Variants in SPEF2 observed in about 807,000 individuals in gnomAD.
The protein encoded by SPEF2 is sperm flagella and cilia-associated protein 2.
SPEF2 carries 187 observed loss-of-function variants against 224.6 expected under a neutral mutation model. That is an observed-to-expected ratio of 0.83 (90% CI 0.74 to 0.94). SPEF2 has a LOEUF of 0.94. SPEF2 is among the 40% of genes least tolerant of loss of function. SPEF2 has a pLI of 0.00. For missense variants in SPEF2, 2,170 were observed against 2,135.6 expected (o/e 1.02, Z -0.32); for synonymous variants, 715 against 707.3 (o/e 1.01, Z -0.17).
chr5:35,767,870 C>T (rs1752294377), intron 26 of SPEF2, among the ~76,000 whole-genome samples: 1 of 152,084 alleles, frequency 6.6e-6, no homozygotes, highest in African/African-American at 2.4e-5. Flanking sequence ...TAGAATCTCA[C>T]ACCCTTGACC....
At chr5:35,729,622 C>T (rs1162484969) in intron 21 of SPEF2, among the ~76,000 whole-genome samples, 2 of 152,112 alleles carry the variant, frequency 1.3e-5, no homozygotes, top group African/African-American at 4.8e-5. Context: ...AGTTCGTTTC[C>T]ACTCTGGACT....
At chr5:35,670,788 A>T in intron 10 of SPEF2, 2 of 982,530 alleles carry the variant, frequency 2.0e-6, no homozygotes, top group Non-Finnish European at 2.4e-6. Context: ...GAAATTGCCA[A>T]CTACTAACTG....
chr5:35,788,349 C>T (rs762555273), intron 30 of SPEF2: 2 of 702,810 alleles, frequency 2.8e-6, no homozygotes, highest in African/African-American at 1.7e-5. Context: ...GATATTGGCC[C>T]AGTATTCAGA....
At chr5:35,813,224 G>A (rs1241730916) in intron 36 of SPEF2, among the ~76,000 whole-genome samples, 1 of 152,314 alleles carries the variant, frequency 6.6e-6, no homozygotes, top group East Asian at 1.9e-4. Context: ...TGGGCACAGT[G>A]GTTGCCATCT....
In SPEF2 at chr5:35,759,646, G is replaced by A. The variant is rs533700303; in HGVS notation, c.3547G>A (p.Glu1183Lys). 5 of 1,612,310 alleles carry A rather than the reference G, an allele frequency of 3.1e-6. No homozygotes were observed. In the Admixed American group the frequency reaches 5.0e-5, roughly 16 times the overall value. ...GGGAATGGAAAGTAAAATCCCAGTA[G>A]AGGACAACAAGAGATTTACTCGAAT... is the stretch of plus-strand genomic sequence containing the variant. ...YWGMESKIPVEDNKRFTRIPL... is the reference protein window; with the variant it reads ...YWGMESKIPVKDNKRFTRIPL... The change falls in exon 25 of 37, where the codon GAG becomes AAG. Residue 1183 changes from glutamate (E) to lysine (K), a missense_variant. Transcript: ENST00000356031.
At position 35,690,261 on chromosome 5, in the gene SPEF2, C is replaced by A. The variant is rs7716573; in HGVS notation, c.1525-776C>A. ...CTAGCTATTTTGAAATATTCAGTAG[C>A]TTATTATTTGCTCTGGTCACTCTAC... On this transcript the variant is annotated intron_variant, in intron 10 of 36. Transcript: ENST00000356031. Among the ~76,000 whole-genome samples, 1,369 of 152,158 alleles carry A rather than the reference C, an allele frequency of 9.0e-3. 17 individuals are homozygous for A. Among genetic ancestry groups the A allele is most frequent in the African/African-American group, 0.032 (1,332 of 41,514 alleles).
At chr5:35,620,450 A>G (rs1743345485) in intron 1 of SPEF2, among the ~76,000 whole-genome samples, 1 of 152,218 alleles carries the variant, frequency 6.6e-6, no homozygotes, top group Non-Finnish European at 1.5e-5. Context: ...GGTTGTATCA[A>G]GATTAAATGG....
In SPEF2 at chr5:35,700,671, C is replaced by G; in HGVS notation, c.2317C>G (p.Leu773Val). The change falls in exon 16 of 37, where the codon CTT becomes GTT. Residue 773 changes from leucine (L) to valine (V), a missense_variant. Leu to Val is a conservative substitution (Grantham distance 32). Coordinates refer to ENST00000356031, the MANE Select transcript of SPEF2 (RefSeq NM_024867.4). ...IDPATSKEIPLPSPAFDFVIL... is the reference protein window; with the variant it reads ...IDPATSKEIPVPSPAFDFVIL... Reference sequence around the variant, plus strand: ...TCCTGCGACTTCCAAAGAAATACCTCTTCCCTCTCCTGCATTTGATTTTGT... The same window carrying G: ...TCCTGCGACTTCCAAAGAAATACCTGTTCCCTCTCCTGCATTTGATTTTGT... 6.2e-7 allele frequency: 1 copy of G among 1,613,976 alleles called. No homozygotes were observed. The highest frequency in any genetic ancestry group is 8.5e-7 in the Non-Finnish European group (1 of 1,179,918).
intron 4 of SPEF2, 179 bp from the exon 5 acceptor site, chr5:35,646,488 A>C (rs961330064): frequency 6.2e-6 from 3 of 487,638 alleles, no homozygotes; most frequent in Non-Finnish European, 1.1e-5. Context: ...TGCTTTTCAC[A>C]GTAAGTCATA....
At chr5:35,683,131 A>G (rs528080661) in intron 10 of SPEF2, among the ~76,000 whole-genome samples, 1 of 152,338 alleles carries the variant, frequency 6.6e-6, no homozygotes, top group South Asian at 2.1e-4. Flanking sequence ...GGAAGTAACC[A>G]GAATCAGAAC....
chr5:35,801,798 G>C (rs781188205), intron 34 of SPEF2, among the ~76,000 whole-genome samples: 2 of 152,154 alleles, frequency 1.3e-5, no homozygotes, highest in Non-Finnish European at 2.9e-5. Context: ...ACTTCCTTGA[G>C]ATCTGCTTCT....
chr5:35,625,352 G>C (rs1744093184), intron 1 of SPEF2, among the ~76,000 whole-genome samples: 1 of 151,972 alleles, frequency 6.6e-6, no homozygotes, highest in Non-Finnish European at 1.5e-5. Context: ...TATTTTTCTG[G>C]TGACCTTTTT....
intron 19 of SPEF2, among the ~76,000 whole-genome samples, chr5:35,712,466 C>T (rs1243119154): frequency 2.0e-5 from 3 of 152,122 alleles, no homozygotes; most frequent in East Asian, 1.9e-4. Context: ...AATCCAAATA[C>T]AGCCATATGC....
intron 21 of SPEF2, among the ~76,000 whole-genome samples, chr5:35,737,231 A>G (rs1217212736): frequency 6.6e-6 from 1 of 151,746 alleles, no homozygotes; most frequent in Non-Finnish European, 1.5e-5. Context: ...TTTTTATTAT[A>G]CTTTTAAGTT....
At chr5:35,665,734 A>G (rs1360965780) in intron 8 of SPEF2, among the ~76,000 whole-genome samples, 1 of 152,102 alleles carries the variant, frequency 6.6e-6, no homozygotes, top group Non-Finnish European at 1.5e-5. Flanking sequence ...GAATCATGCC[A>G]TAAAGCTTTG....
chr5:35,739,247 A>G (rs1747167993), intron 21 of SPEF2, among the ~76,000 whole-genome samples: 6 of 152,228 alleles, frequency 3.9e-5, no homozygotes, highest in Admixed American at 2.0e-4. Context: ...AGAGATGAGT[A>G]TAGACAAGTA....
intron 24 of SPEF2, among the ~76,000 whole-genome samples, chr5:35,754,327 G>A (rs1750131068): frequency 6.6e-6 from 1 of 152,198 alleles, no homozygotes; most frequent in Non-Finnish European, 1.5e-5. Context: ...AGCAATAGGG[G>A]AGAAAGCACA....
chr5:35,722,301 G>A (rs1315843642), intron 20 of SPEF2, among the ~76,000 whole-genome samples: 1 of 151,930 alleles, frequency 6.6e-6, no homozygotes, highest in African/African-American at 2.4e-5. Context: ...CCTGGCATGG[G>A]GCAGGGAGCA....
intron 3 of SPEF2, among the ~76,000 whole-genome samples, chr5:35,643,974 A>G (rs1008016025): frequency 2.0e-5 from 3 of 152,142 alleles, no homozygotes; most frequent in Non-Finnish European, 4.4e-5. Flanking sequence ...TGGCTAAGCA[A>G]TGGGAAGAAT....
Sources: allele counts gnomAD v4.1 joint callset (sites outside exome capture counted in the v4.1 genomes callset), GRCh38; gene constraint gnomAD v4.1.1; transcripts MANE v1.5; gene names NCBI Gene and HGNC (gene_info 2026-07-23, HGNC 2026-07-21).